SEMA5A: variants seen among roughly 807,000 people sequenced by gnomAD.
The protein encoded by SEMA5A is semaphorin-5A.
Under a neutral mutation model 135.5 loss-of-function variants are expected in SEMA5A, and 55 were observed. The observed-to-expected ratio is 0.41, with a 90% CI of 0.33 to 0.51. The LOEUF is 0.51. Ranked by LOEUF, SEMA5A falls within the 20% of genes least tolerant of loss-of-function variation. The probability of loss-of-function intolerance (pLI) is 0.37; values close to 1 mark genes in which losing one functional copy is unlikely to be tolerated. For synonymous variants in SEMA5A, 580 were observed against 546.5 expected (o/e 1.06, Z -0.85); for missense variants, 1,290 against 1,419.9 (o/e 0.91, Z 1.47).
intron 11 of SEMA5A, among the ~76,000 whole-genome samples, chr5:9,188,655 T>G (rs537406606): frequency 6.6e-6 from 1 of 152,264 alleles, no homozygotes; most frequent in Admixed American, 6.5e-5. Context: ...TGGACATTTA[T>G]GGTGAAAAAC....
intron 8 of SEMA5A, among the ~76,000 whole-genome samples, chr5:9,220,605 A>G (rs1400292019): frequency 6.6e-6 from 1 of 152,248 alleles, no homozygotes; most frequent in East Asian, 1.9e-4. Flanking sequence ...GTGTGGAATG[A>G]GAAGAGTGGG....
intron 16 of SEMA5A, among the ~76,000 whole-genome samples, chr5:9,073,506 A>C (rs1186840704): frequency 2.6e-5 from 4 of 152,184 alleles, no homozygotes; most frequent in Admixed American, 6.5e-5. Flanking sequence ...ATCACACTTA[A>C]TGGTTAAAGC....
chr5:9,359,842 G>A (rs1859365), intron 3 of SEMA5A, among the ~76,000 whole-genome samples: 2,271 of 152,264 alleles, frequency 0.015, 14 homozygotes, highest in Middle Eastern at 0.034. Context: ...CAGTTTTGAA[G>A]ATTAAGAACC....
intron 2 of SEMA5A, among the ~76,000 whole-genome samples, chr5:9,430,197 G>A (rs955399323): frequency 6.6e-6 from 1 of 152,200 alleles, no homozygotes; most frequent in African/African-American, 2.4e-5. Context: ...CTGAGCAAGT[G>A]GAAGACTGGA....
At chr5:9,079,975 G>T (rs1738283243) in intron 16 of SEMA5A, among the ~76,000 whole-genome samples, 1 of 152,174 alleles carries the variant, frequency 6.6e-6, no homozygotes, top group Non-Finnish European at 1.5e-5. Flanking sequence ...CAACCATTGT[G>T]GAAGACAGTG....
chr5:9,386,090 AC>A, intron 2 of SEMA5A, among the ~76,000 whole-genome samples: 1 of 152,124 alleles, frequency 6.6e-6, no homozygotes, highest in South Asian at 2.1e-4. Context: ...ATGAGCCATC[AC>A]GCCCAGCTGG....
chr5:9,290,971 A>G (rs868655151), intron 5 of SEMA5A, among the ~76,000 whole-genome samples: 1 of 152,232 alleles, frequency 6.6e-6, no homozygotes, highest in African/African-American at 2.4e-5. Context: ...TCACTTTGGC[A>G]TGTGTCAGAG....
At chr5:9,075,920 C>T (rs1362194792) in intron 16 of SEMA5A, among the ~76,000 whole-genome samples, 1 of 152,054 alleles carries the variant, frequency 6.6e-6, no homozygotes, top group Non-Finnish European at 1.5e-5. Flanking sequence ...GAAATTATAT[C>T]TTCAGGCCAG....
chr5:9,043,452 T>A (rs188070561), intron 22 of SEMA5A, among the ~76,000 whole-genome samples: 3 of 152,264 alleles, frequency 2.0e-5, no homozygotes, highest in Non-Finnish European at 4.4e-5. Context: ...GAGACCTTGA[T>A]GGAACTTATT....
At chr5:9,258,986 C>A (rs1749250008) in intron 5 of SEMA5A, among the ~76,000 whole-genome samples, 1 of 151,814 alleles carries the variant, frequency 6.6e-6, no homozygotes, top group Non-Finnish European at 1.5e-5. Flanking sequence ...CCATACCTGG[C>A]TAATTTTGTA....
chr5:9,426,436 TA>T lies in SEMA5A; in HGVS notation c.-78+11319del, dbSNP rs1264965430. On this transcript the variant is annotated intron_variant, in intron 2 of 22. Transcript: ENST00000382496. Reference sequence around the variant, plus strand: ...CGAGACTCCATCTCAAAAAAATAAATAAAATAAAATAAAATAAAATAAAATA... The same window carrying T: ...CGAGACTCCATCTCAAAAAAATAAATAAATAAAATAAAATAAAATAAAATA... 2.7e-3 allele frequency among the ~76,000 whole-genome samples: 367 copies of T among 136,276 alleles called. 5 individuals carry two copies. The highest frequency in any genetic ancestry group is 0.01 in the African/African-American group (356 of 34,444). 89.4% of individuals were successfully genotyped at this position (136,276 alleles called of 152,430 possible). A position where few individuals can be genotyped will look rare whatever the true frequency, so the allele number is the denominator to read the frequency against.
chr5:9,418,596 T>C (rs967426952), intron 2 of SEMA5A, among the ~76,000 whole-genome samples: 2 of 152,050 alleles, frequency 1.3e-5, no homozygotes, highest in Non-Finnish European at 2.9e-5. Flanking sequence ...GCAATAGGAG[T>C]GTTCTTCACC....
chr5:9,353,105 A>AG (rs1407226362), intron 3 of SEMA5A, among the ~76,000 whole-genome samples: 908 of 34,130 alleles, frequency 0.027, 164 homozygotes, highest in African/African-American at 0.046. Flanking sequence ...AAGGAAGGAA[A>AG]GGAAAGGAAA....
intron 3 of SEMA5A, among the ~76,000 whole-genome samples, chr5:9,377,423 T>C (rs747669026): frequency 1.4e-4 from 22 of 152,134 alleles, no homozygotes; most frequent in Admixed American, 3.3e-4. Flanking sequence ...CAAATGATAG[T>C]AACTGGGTCT....
chr5:9,456,557 ATG>A (rs1222975360), intron 1 of SEMA5A, among the ~76,000 whole-genome samples: 1 of 152,216 alleles, frequency 6.6e-6, no homozygotes, highest in African/African-American at 2.4e-5. Context: ...CAAAAAGCAG[ATG>A]TGTCATGGCC....
intron 1 of SEMA5A, among the ~76,000 whole-genome samples, chr5:9,451,283 T>C (rs1039078252): frequency 6.6e-6 from 1 of 152,202 alleles, no homozygotes; most frequent in African/African-American, 2.4e-5. Context: ...GCAGCCACTG[T>C]AAATGCTTGG....
Position 9,041,039 on chromosome 5 carries a change from G to A in SEMA5A, c.*1858C>T, listed in dbSNP as rs1205469858. ...ATATAGACAGAAGACTCTGACATAT[G>A]AGGAATGAGTGAGAGGCAACATGAA... On this transcript the variant is annotated 3_prime_UTR_variant, in exon 23 of 23. Coordinates refer to ENST00000382496, the MANE Select transcript of SEMA5A (RefSeq NM_003966.3). 2 of 152,200 alleles carry A rather than the reference G, an allele frequency of 1.3e-5. No individual in the cohort carries two copies. Among genetic ancestry groups the A allele is most frequent in the Admixed American group, 1.3e-4 (2 of 15,272 alleles). 9.4% of individuals were successfully genotyped at this position (152,200 alleles called of 1,614,324 possible). A position where few individuals can be genotyped will look rare whatever the true frequency, so the allele number is the denominator to read the frequency against.
chr5:9,401,586 G>A (rs540325509), intron 2 of SEMA5A, among the ~76,000 whole-genome samples: 5 of 152,248 alleles, frequency 3.3e-5, no homozygotes, highest in South Asian at 2.1e-4. Flanking sequence ...AATGTGGGAC[G>A]TGCTGTCAAA....
At position 9,489,917 on chromosome 5, in the gene SEMA5A, T is replaced by G. The variant is rs117827743; in HGVS notation, c.-174-52065A>C. Among the ~76,000 whole-genome samples the G allele has an allele frequency of 3.3e-5, 5 of 152,322 alleles. No individual in the cohort carries two copies. In the East Asian group the frequency reaches 9.7e-4, roughly 29 times the overall value. ...GCTACTAAATGATCTCACATGCCTC[T>G]AGCTCCATGCTGCTGTTGATGTTTT... On this transcript the variant is annotated intron_variant, in intron 1 of 22. Transcript: ENST00000382496.
Sources: allele counts gnomAD v4.1 joint callset (sites outside exome capture counted in the v4.1 genomes callset), GRCh38; gene constraint gnomAD v4.1.1; transcripts MANE v1.5; gene names NCBI Gene and HGNC (gene_info 2026-07-23, HGNC 2026-07-21).